UTRN: variants seen among roughly 807,000 people sequenced by gnomAD.
The protein encoded by UTRN is dystrophin-related protein 1.
UTRN carries 283 observed loss-of-function variants against 463.9 expected under a neutral mutation model. That is an observed-to-expected ratio of 0.61 (90% CI 0.55 to 0.67). UTRN has a LOEUF of 0.67. Ranked by LOEUF, UTRN falls within the 30% of genes least tolerant of loss-of-function variation. UTRN has a pLI of 0.00. For missense variants in UTRN, 3,922 were observed against 4,084.3 expected, an observed-to-expected ratio of 0.96 and a Z score of 1.08; for synonymous variants, 1,442 against 1,431.5, an observed-to-expected ratio of 1.01 and a Z score of -0.17.
chr6:144,414,776 C>T (rs191793996), intron 3 of UTRN, among the ~76,000 whole-genome samples: 341 of 149,320 alleles, frequency 2.3e-3, no homozygotes, highest in East Asian at 0.019. Context: ...AGTGCAGTGG[C>T]GCAGTCTTGG....
intron 52 of UTRN, among the ~76,000 whole-genome samples, chr6:144,680,626 C>A (rs1431254812): frequency 6.6e-6 from 1 of 152,040 alleles, no homozygotes; most frequent in Admixed American, 6.6e-5. Flanking sequence ...AGTCCCTACC[C>A]CTAGAGGTTC....
At chr6:144,389,614 C>G (rs962243552) in intron 2 of UTRN, among the ~76,000 whole-genome samples, 15 of 151,308 alleles carry the variant, frequency 9.9e-5, no homozygotes, top group Non-Finnish European at 5.9e-5. Context: ...TTTTTCCCCC[C>G]CTGAGACGGG....
chr6:144,487,766 T>G (rs1050412956), intron 29 of UTRN, 69 bp downstream of exon 29: 13 of 1,417,584 alleles, frequency 9.2e-6, no homozygotes, highest in Non-Finnish European at 1.2e-5. Flanking sequence ...AAGCTCCATA[T>G]CATAGAGCTT....
chr6:144,791,844 G>A (rs924240868), intron 62 of UTRN, among the ~76,000 whole-genome samples: 4 of 152,130 alleles, frequency 2.6e-5, no homozygotes, highest in African/African-American at 9.7e-5. Flanking sequence ...TGGCATAGTG[G>A]TATAGCCATA....
intron 52 of UTRN, among the ~76,000 whole-genome samples, chr6:144,691,243 T>C (rs940998755): frequency 1.3e-5 from 2 of 152,080 alleles, no homozygotes; most frequent in Non-Finnish European, 1.5e-5. Flanking sequence ...CAGCCTCCCA[T>C]GTAGCTGGAA....
chr6:144,657,499 A>T (rs1382974145), intron 51 of UTRN, among the ~76,000 whole-genome samples: 2 of 152,176 alleles, frequency 1.3e-5, no homozygotes, highest in Non-Finnish European at 2.9e-5. Context: ...GGTACTTATC[A>T]GGCTGATAAA....
chr6:144,666,035 G>A (rs1252029899), intron 51 of UTRN, among the ~76,000 whole-genome samples: 2 of 152,148 alleles, frequency 1.3e-5, no homozygotes, highest in African/African-American at 2.4e-5. Context: ...TAACCATTTT[G>A]TGCTGTTTAA....
chr6:144,723,931 G>A (rs560396869), intron 53 of UTRN, among the ~76,000 whole-genome samples: 139 of 147,726 alleles, frequency 9.4e-4, no homozygotes, highest in Middle Eastern at 3.6e-3. Context: ...AATTGCTTGA[G>A]CCCGGGAGGC....
chr6:144,465,865 A>G (rs1168650414), intron 23 of UTRN, among the ~76,000 whole-genome samples: 1 of 152,206 alleles, frequency 6.6e-6, no homozygotes, highest in Non-Finnish European at 1.5e-5. Flanking sequence ...ATGCCAATTC[A>G]TAATAATGTT....
intron 65 of UTRN, among the ~76,000 whole-genome samples, chr6:144,819,506 C>T (rs1051984652): frequency 6.6e-6 from 1 of 151,838 alleles, no homozygotes; most frequent in Non-Finnish European, 1.5e-5. Flanking sequence ...ACCAGCCTGG[C>T]CAACATGGTG....
chr6:144,609,840 C>G (rs1183022262), intron 51 of UTRN, among the ~76,000 whole-genome samples: 1 of 151,720 alleles, frequency 6.6e-6, no homozygotes, highest in East Asian at 1.9e-4. Context: ...CACTGGGTCA[C>G]AGAAAAAATT....
chr6:144,644,156 C>A (rs971553613), intron 51 of UTRN, among the ~76,000 whole-genome samples: 1 of 152,084 alleles, frequency 6.6e-6, no homozygotes, highest in East Asian at 1.9e-4. Flanking sequence ...TATGTAGAAA[C>A]CTTATGCACA....
chr6:144,814,315 T>G (rs539602469), intron 65 of UTRN, among the ~76,000 whole-genome samples: 17 of 152,298 alleles, frequency 1.1e-4, no homozygotes, highest in Admixed American at 4.6e-4. Flanking sequence ...ACCACAGATC[T>G]ACCAATCCTT....
Position 144,438,786 on chromosome 6 carries a change from A to G in UTRN, c.1283A>G (p.Gln428Arg). Residue 428 changes from glutamine (Q) to arginine (R), a missense_variant, in exon 12 of 75, where the codon CAG (glutamine) becomes CGG (arginine). Transcript: ENST00000367545. ...ATGGAACTGCAGAAGAAGCAACTGC[A>G]GCAGCTCTCCGCCTGGTTAACACTC... is the stretch of plus-strand genomic sequence containing the variant. ...VLMELQKKQL[Q>R]QLSAWLTLTE... 4.3e-6 allele frequency: 7 copies of G among 1,614,226 alleles called. No individual in the cohort carries two copies. Among genetic ancestry groups the G allele is most frequent in the Non-Finnish European group, 5.9e-6 (7 of 1,180,040 alleles).
chr6:144,631,252 G>T (rs896089942), intron 51 of UTRN, among the ~76,000 whole-genome samples: 5 of 151,714 alleles, frequency 3.3e-5, no homozygotes, highest in Admixed American at 6.6e-5. Context: ...GTGTGTGTGT[G>T]TGTGTGTGTG....
At chr6:144,542,262 A>G (rs769607271) in intron 45 of UTRN, among the ~76,000 whole-genome samples, 25 of 152,204 alleles carry the variant, frequency 1.6e-4, no homozygotes, top group African/African-American at 5.8e-4. Context: ...AGATGTGGAC[A>G]TATCTGAATA....
rs576582664 is a variant in UTRN at position 144,459,105 on chromosome 6, G to A, written c.2527-69G>A. The A allele has an allele frequency of 6.3e-6, 10 of 1,575,750 alleles. No individual in the cohort carries two copies. The South Asian group carries it at 1.2e-4, about 19-fold the overall frequency. ...GTATCATGAACTTTAAGTTAATGCT[G>A]CCCTGATTAACTTCCTGTGAGGATG... On this transcript the variant is annotated intron_variant, in intron 20 of 74. Coordinates refer to ENST00000367545, the MANE Select transcript of UTRN (RefSeq NM_007124.3).
At chr6:144,571,509 A>T (rs1163271455) in intron 50 of UTRN, among the ~76,000 whole-genome samples, 1 of 152,186 alleles carries the variant, frequency 6.6e-6, no homozygotes, top group Admixed American at 6.5e-5. Flanking sequence ...TGGGTATGCC[A>T]TCATCTTTCA....
chr6:144,753,105 T>C (rs1791585056), intron 56 of UTRN, among the ~76,000 whole-genome samples: 1 of 152,212 alleles, frequency 6.6e-6, no homozygotes, highest in Non-Finnish European at 1.5e-5. Flanking sequence ...GAACTAGTGC[T>C]GTCCAGGGAA....
Sources: gnomAD v4.1 joint callset for allele counts (sites outside exome capture counted in the v4.1 genomes callset) on GRCh38, gnomAD v4.1.1 for gene constraint, MANE v1.5 for transcripts, NCBI Gene and HGNC (gene_info 2026-07-23, HGNC 2026-07-21) for gene names.